ADAM12: variants seen among roughly 807,000 people sequenced by gnomAD.
ADAM12 encodes the protein disintegrin and metalloproteinase domain-containing protein 12.
ADAM12 carries 70 observed loss-of-function variants against 106.4 expected under a neutral mutation model. That is an observed-to-expected ratio of 0.66 (90% CI 0.54 to 0.80). ADAM12 has a LOEUF of 0.80. Ranked by LOEUF, ADAM12 falls within the 30% of genes least tolerant of loss-of-function variation. ADAM12 has a pLI of 0.00. For synonymous variants in ADAM12, 420 were observed against 433.5 expected (o/e 0.97, Z 0.39); for missense variants, 1,010 against 1,171.9 (o/e 0.86, Z 2.02).
intron 3 of ADAM12, among the ~76,000 whole-genome samples, chr10:126,198,223 C>T (rs997546293): frequency 1.1e-4 from 17 of 152,168 alleles, no homozygotes; most frequent in Admixed American, 5.9e-4. Flanking sequence ...CCGTTGCAGA[C>T]GCCCATGCTC....
At chr10:126,174,541 G>A (rs1297918041) in intron 3 of ADAM12, among the ~76,000 whole-genome samples, 7 of 152,108 alleles carry the variant, frequency 4.6e-5, no homozygotes, top group African/African-American at 1.4e-4. Flanking sequence ...CACTATTCCC[G>A]TACCAGACAA....
chr10:126,379,037 C>T (rs1856398294), intron 1 of ADAM12, among the ~76,000 whole-genome samples: 1 of 152,074 alleles, frequency 6.6e-6, no homozygotes, highest in African/African-American at 2.4e-5. Context: ...CCAACAACAA[C>T]AAAAAACCCA....
At chr10:126,298,459 G>A (rs541937796) in intron 2 of ADAM12, among the ~76,000 whole-genome samples, 61 of 152,140 alleles carry the variant, frequency 4.0e-4, no homozygotes, top group African/African-American at 1.3e-3. Flanking sequence ...GTGAAAAATC[G>A]GTCTGAAGAA....
At chr10:126,340,164 C>A (rs368910495) in intron 1 of ADAM12, among the ~76,000 whole-genome samples, 17 of 152,214 alleles carry the variant, frequency 1.1e-4, no homozygotes, top group East Asian at 9.7e-4. Context: ...CGTTCTAGGG[C>A]TTTTAAGCAG....
At chr10:126,341,417 C>A (rs562564023) in intron 1 of ADAM12, among the ~76,000 whole-genome samples, 20 of 152,248 alleles carry the variant, frequency 1.3e-4, no homozygotes, top group African/African-American at 3.6e-4. Context: ...GAATGGGGTC[C>A]AAGGCTTCGT....
At chr10:126,333,165 G>A (rs768626756) in intron 1 of ADAM12, among the ~76,000 whole-genome samples, 1 of 152,194 alleles carries the variant, frequency 6.6e-6, no homozygotes, top group Non-Finnish European at 1.5e-5. Context: ...CCACATAAAC[G>A]AACCAGTTTA....
chr10:126,335,559 T>C (rs1002437585), intron 1 of ADAM12, among the ~76,000 whole-genome samples: 3 of 152,194 alleles, frequency 2.0e-5, no homozygotes, highest in African/African-American at 7.2e-5. Flanking sequence ...GATGCTCCTA[T>C]AAATGATAGC....
chr10:126,269,142 T>C (rs1959158654), intron 3 of ADAM12, among the ~76,000 whole-genome samples: 1 of 152,184 alleles, frequency 6.6e-6, no homozygotes, highest in Non-Finnish European at 1.5e-5. Flanking sequence ...GTCATGGTGC[T>C]GGTGGGAGGG....
intron 21 of ADAM12, among the ~76,000 whole-genome samples, chr10:126,030,522 T>C (rs1360245440): frequency 6.6e-6 from 1 of 152,216 alleles, no homozygotes; most frequent in African/African-American, 2.4e-5. Context: ...TATTAGCAAA[T>C]GTAAAGGCTA....
chr10:126,043,052 T>C lies in ADAM12; in HGVS notation c.2092A>G (p.Ile698Val), dbSNP rs779074427. 6.2e-7 allele frequency: 1 copy of C among 1,614,138 alleles called. No homozygotes were observed. Among genetic ancestry groups the C allele is most frequent in the East Asian group, 2.2e-5 (1 of 44,882 alleles). ...GGGCTTCACTGACCTGCTTGCCGGA[T>C]GGGGCCGCTGTCTGTGCTTCCTCCA... Reference protein sequence around the residue: ...GFGGSTDSGPIRQADNQGLTI... With the variant: ...GFGGSTDSGPVRQADNQGLTI... The change falls in exon 18 of 23, where the codon ATC (isoleucine) becomes GTC (valine). Residue 698 changes from isoleucine (I) to valine (V), a missense_variant. Coordinates refer to ENST00000448723, the MANE Select transcript of ADAM12 (RefSeq NM_001288973.2). This position sits in a 1 kb window ranked among gnomAD's most constrained non-coding sequence, Gnocchi z 4.1.
chr10:126,197,572 C>T (rs972639281), intron 3 of ADAM12, among the ~76,000 whole-genome samples: 2 of 152,188 alleles, frequency 1.3e-5, no homozygotes, highest in African/African-American at 2.4e-5. Flanking sequence ...GAATGGAAGT[C>T]AGGGAATTTC....
intron 19 of ADAM12, among the ~76,000 whole-genome samples, chr10:126,038,954 T>C (rs1031373298): frequency 6.5e-4 from 36 of 55,196 alleles, no homozygotes; most frequent in African/African-American, 2.5e-3. Context: ...CACCATTTCT[T>C]TTTTTTTTTT....
chr10:126,388,127 G>T lies in ADAM12; in HGVS notation c.19C>A (p.Pro7Thr). 8.2e-7 allele frequency: 1 copy of T among 1,218,828 alleles called. No individual in the cohort carries two copies. The highest frequency in any genetic ancestry group is 1.0e-6 in the Non-Finnish European group (1 of 979,474). The allele number at this position is 1,218,828 out of a possible 1,614,324, so 75.5% of individuals were successfully genotyped here. The change falls in exon 1 of 23, where the codon CCC becomes ACC. Residue 7 changes from proline to threonine, a missense_variant. Physicochemically the swap from Pro to Thr is conservative, Grantham distance 38 (BLOSUM62 -1). Coordinates refer to ENST00000448723, the MANE Select transcript of ADAM12 (RefSeq NM_001288973.2). This position sits in a 1 kb window ranked among gnomAD's most constrained non-coding sequence, Gnocchi z 4.4. ...AGGAGGGCGCGGGCGGGGGACACGGGCAGCGGGCGCGCTGCCATCGTCGCC... is the reference window on the plus strand; with the variant it reads ...AGGAGGGCGCGGGCGGGGGACACGGTCAGCGGGCGCGCTGCCATCGTCGCC... MAARPLPVSPARALLLA... is the reference protein window; with the variant it reads MAARPLTVSPARALLLA...
At chr10:126,243,906 C>T (rs184643892) in intron 3 of ADAM12, among the ~76,000 whole-genome samples, 13 of 152,296 alleles carry the variant, frequency 8.5e-5, no homozygotes, top group Non-Finnish European at 1.8e-4. Flanking sequence ...GTCCTCTATA[C>T]GCTTTTAACA....
Position 126,155,315 on chromosome 10 carries a change from A to T in ADAM12, c.261-10T>A, listed in dbSNP as rs776965930. On this transcript the variant is annotated splice_polypyrimidine_tract_variant and intron_variant, in intron 3 of 22. Transcript: ENST00000448723. ...GCTGGCAATGAGACCTCTGCGGAAA[A>T]ACAAAAACACCATAAAAAGATGAGT... is the stretch of plus-strand genomic sequence containing the variant. The T allele has an allele frequency of 1.9e-6, 3 of 1,612,070 alleles. No individual in the cohort carries two copies. The highest frequency in any genetic ancestry group is 2.5e-6 in the Non-Finnish European group (3 of 1,178,300).
At position 126,042,049 on chromosome 10, in the gene ADAM12, A is replaced by G. The variant is rs2133413160; in HGVS notation, c.2104+991T>C. ...AAACGATGGCAAAGCCACAGAGTCA[A>G]TGCTGCCAGTCACAGGAGGCCTTGG... On this transcript the variant is annotated intron_variant, in intron 18 of 22. Coordinates refer to ENST00000448723, the MANE Select transcript of ADAM12 (RefSeq NM_001288973.2). The G allele has an allele frequency of 3.2e-6, 5 of 1,541,676 alleles. No individual in the cohort carries two copies. The South Asian group carries it at 4.9e-5, about 15-fold the overall frequency.
At chr10:126,271,629 G>T (rs928253266) in intron 3 of ADAM12, among the ~76,000 whole-genome samples, 2 of 152,214 alleles carry the variant, frequency 1.3e-5, no homozygotes, top group Admixed American at 1.3e-4. Context: ...GCTGGATATT[G>T]CAGCGCATGC....
intron 1 of ADAM12, among the ~76,000 whole-genome samples, chr10:126,344,666 T>C (rs576451959): frequency 1.3e-5 from 2 of 152,350 alleles, no homozygotes; most frequent in South Asian, 4.1e-4. Flanking sequence ...CATGGAATCT[T>C]CTTCCATTTG....
intron 3 of ADAM12, among the ~76,000 whole-genome samples, chr10:126,178,440 C>CATCTTTCA (rs1957259432): frequency 1.0e-5 from 1 of 99,634 alleles, no homozygotes; most frequent in Admixed American, 1.3e-4. Context: ...TTTGGATAAA[C>CATCTTTCA]ATCTTTCAGA....
Sources: allele counts gnomAD v4.1 joint callset (sites outside exome capture counted in the v4.1 genomes callset), GRCh38; gene constraint gnomAD v4.1.1; non-coding constraint Gnocchi (gnomAD v3.1); transcripts MANE v1.5; gene names NCBI Gene and HGNC (gene_info 2026-07-23, HGNC 2026-07-21).